The following CSRNP3 variants were observed in gnomAD, a reference collection of about 807,000 sequenced individuals.
The protein encoded by CSRNP3 is cysteine and serine rich nuclear protein 3.
A neutral mutation model predicts 48.0 loss-of-function variants in CSRNP3; 12 were observed. The ratio of observed to expected loss-of-function variants is 0.25; its 90% CI spans 0.16 to 0.41. The LOEUF (loss-of-function observed/expected upper bound fraction) is 0.41. Among genes scored for constraint, CSRNP3 ranks in the 10% least tolerant of loss-of-function variants. The pLI is 1.00. For missense variants in CSRNP3, 580 were observed against 724.4 expected (o/e 0.80, Z 2.29); for synonymous variants, 263 against 269.7 (o/e 0.98, Z 0.24).
chr2:165,646,031 G>T (rs939567838), intron 4 of CSRNP3, among the ~76,000 whole-genome samples: 1 of 152,024 alleles, frequency 6.6e-6, no homozygotes, highest in African/African-American at 2.4e-5. Flanking sequence ...AGGCATGAGC[G>T]ATTGCACCCA....
chr2:165,579,075 C>T (rs1382922427), intron 3 of CSRNP3, among the ~76,000 whole-genome samples: 3 of 152,142 alleles, frequency 2.0e-5, no homozygotes, highest in African/African-American at 7.2e-5. Context: ...TCAGCCCACA[C>T]AAGTTGATTC....
chr2:165,671,462 G>C (rs534689388), intron 5 of CSRNP3, among the ~76,000 whole-genome samples: 2 of 152,348 alleles, frequency 1.3e-5, no homozygotes, highest in East Asian at 3.9e-4. Flanking sequence ...AAGGCTTGGG[G>C]CTTGCACCCT....
chr2:165,627,502 T>C (rs1573929010), intron 4 of CSRNP3, among the ~76,000 whole-genome samples: 1 of 152,294 alleles, frequency 6.6e-6, no homozygotes, highest in Middle Eastern at 3.4e-3. Context: ...AAATAATTCA[T>C]GTCAGTCTGC....
At chr2:165,609,902 A>C (rs1686107461) in intron 4 of CSRNP3, among the ~76,000 whole-genome samples, 1 of 152,194 alleles carries the variant, frequency 6.6e-6, no homozygotes, top group Non-Finnish European at 1.5e-5. Flanking sequence ...GACAAGAGGG[A>C]TGAATCACAG....
At chr2:165,531,774 G>GT (rs1684814407) in intron 3 of CSRNP3, among the ~76,000 whole-genome samples, 1 of 152,026 alleles carries the variant, frequency 6.6e-6, no homozygotes, top group South Asian at 2.1e-4. Context: ...CCAGGAGCTG[G>GT]TTTTTTGAAA....
In CSRNP3 at chr2:165,684,416, G is replaced by A. The variant is rs569834434; in HGVS notation, c.*4663G>A. 2 of 152,028 alleles carry A rather than the reference G, an allele frequency of 1.3e-5. No homozygotes were observed. The highest frequency in any genetic ancestry group is 6.6e-5 in the Admixed American group (1 of 15,234). 9.4% of individuals were successfully genotyped at this position (152,028 alleles called of 1,614,324 possible). On this transcript the variant is annotated 3_prime_UTR_variant, in exon 7 of 7. Transcript: ENST00000651982. ...TTCCTTATTCTCTTGATGACAGTTT[G>A]CAGTGCCATTATAGCCAGTGTATTA...
intron 3 of CSRNP3, among the ~76,000 whole-genome samples, chr2:165,594,560 A>C (rs1685777970): frequency 6.6e-6 from 1 of 152,212 alleles, no homozygotes; most frequent in African/African-American, 2.4e-5. Flanking sequence ...CTGAAATGGA[A>C]ACTACCTAAA....
intron 2 of CSRNP3, among the ~76,000 whole-genome samples, chr2:165,502,501 T>C (rs1684370957): frequency 6.6e-6 from 1 of 152,072 alleles, no homozygotes; most frequent in Admixed American, 6.6e-5. Flanking sequence ...TTGCTGTTTA[T>C]GACTTACTTG....
rs1368133986 is a variant in CSRNP3 at position 165,681,799 on chromosome 2, ATGTATGTGTG to A, written c.*2050_*2059del. ...CACATACACATATATATACACATAT[ATGTATGTGTG>A]TGTGTGTGTGTGTGTGTGTGTATAT... is the stretch of plus-strand genomic sequence containing the variant. On this transcript the variant is annotated 3_prime_UTR_variant, in exon 7 of 7. Coordinates refer to ENST00000651982, the MANE Select transcript of CSRNP3 (RefSeq NM_001172173.2). 4 of 129,422 alleles carry A rather than the reference ATGTATGTGTG, an allele frequency of 3.1e-5. No individual in the cohort carries two copies. Among genetic ancestry groups the A allele is most frequent in the South Asian group, 2.4e-4 (1 of 4,132 alleles). 8.0% of individuals were successfully genotyped at this position (129,422 alleles called of 1,614,324 possible).
chr2:165,659,975 T>G (rs1687069425), intron 5 of CSRNP3, among the ~76,000 whole-genome samples: 1 of 152,212 alleles, frequency 6.6e-6, no homozygotes, highest in Non-Finnish European at 1.5e-5. Flanking sequence ...TGGCAGTATT[T>G]TTGGCAGGTT....
chr2:165,593,776 T>G (rs563216671), intron 3 of CSRNP3, among the ~76,000 whole-genome samples: 263 of 152,270 alleles, frequency 1.7e-3, no homozygotes, highest in African/African-American at 6.0e-3. Flanking sequence ...TAGAATCAAC[T>G]GAAATAAATT....
intron 3 of CSRNP3, among the ~76,000 whole-genome samples, chr2:165,586,130 C>T (rs1330184870): frequency 1.3e-5 from 2 of 152,158 alleles, no homozygotes; most frequent in East Asian, 3.8e-4. Flanking sequence ...GAGTTACTTC[C>T]TGTCAAGTTC....
At chr2:165,517,287 C>T (rs1475699075) in intron 2 of CSRNP3, among the ~76,000 whole-genome samples, 1 of 151,908 alleles carries the variant, frequency 6.6e-6, no homozygotes, top group African/African-American at 2.4e-5. Flanking sequence ...TAAAGAACAA[C>T]ATTTTTGTTA....
intron 4 of CSRNP3, among the ~76,000 whole-genome samples, chr2:165,613,363 T>C (rs531248857): frequency 2.0e-5 from 3 of 152,274 alleles, no homozygotes; most frequent in African/African-American, 7.2e-5. Flanking sequence ...TTCACTCTGT[T>C]GATTGTTTCC....
intron 5 of CSRNP3, among the ~76,000 whole-genome samples, chr2:165,665,472 A>AT (rs1322286200): frequency 6.6e-6 from 1 of 152,190 alleles, no homozygotes; most frequent in Middle Eastern, 3.2e-3. Context: ...AAAATAAGAA[A>AT]TTCTCTGGCC....
chr2:165,668,413 T>TC (rs952231613), intron 5 of CSRNP3, among the ~76,000 whole-genome samples: 1 of 145,802 alleles, frequency 6.9e-6, no homozygotes, highest in African/African-American at 2.5e-5. Flanking sequence ...TTTTTTTTTT[T>TC]TTTTTTTTGA....
In CSRNP3 at chr2:165,685,651, T is replaced by C. The variant is rs914100683; in HGVS notation, c.*5898T>C. On this transcript the variant is annotated 3_prime_UTR_variant, in exon 7 of 7. Coordinates refer to ENST00000651982, the MANE Select transcript of CSRNP3 (RefSeq NM_001172173.2). ...ACGTTGGTGACTACTTTCTTTTACT[T>C]GTGATAAATATATCACTATACAGGG... 3.3e-5 allele frequency: 5 copies of C among 152,142 alleles called. No homozygotes were observed. Among genetic ancestry groups the C allele is most frequent in the Non-Finnish European group, 4.4e-5 (3 of 67,996 alleles). The allele number at this position is 152,142 out of a possible 1,614,324, so 9.4% of individuals were successfully genotyped here.
chr2:165,592,806 T>TC (rs1324772772), intron 3 of CSRNP3, among the ~76,000 whole-genome samples: 7 of 144,396 alleles, frequency 4.8e-5, no homozygotes, highest in Admixed American at 4.8e-4. Flanking sequence ...CTTTTCATTT[T>TC]TTTTTTTTTT....
At chr2:165,550,178 A>G (rs997344026) in intron 3 of CSRNP3, among the ~76,000 whole-genome samples, 1 of 152,174 alleles carries the variant, frequency 6.6e-6, no homozygotes, top group Non-Finnish European at 1.5e-5. Flanking sequence ...AATCCATCAC[A>G]TTTTTAAATG....
Sources: gnomAD v4.1 joint callset for allele counts (sites outside exome capture counted in the v4.1 genomes callset) on GRCh38, gnomAD v4.1.1 for gene constraint, MANE v1.5 for transcripts, NCBI Gene and HGNC (gene_info 2026-07-23, HGNC 2026-07-21) for gene names.